PALLD: variants seen among roughly 807,000 people sequenced by gnomAD.
PALLD encodes the protein palladin.
In PALLD, 61 loss-of-function variants were observed where a neutral mutation model predicts 123.5. The observed-to-expected ratio is 0.49, with a 90% CI of 0.40 to 0.61. The LOEUF (loss-of-function observed/expected upper bound fraction) is 0.61. Among genes scored for constraint, PALLD ranks in the 20% least tolerant of loss-of-function variants. The pLI is 0.00. For synonymous variants in PALLD, 465 were observed against 496.4 expected, an observed-to-expected ratio of 0.94 and a Z score of 0.84; for missense variants, 1,273 against 1,377.0, an observed-to-expected ratio of 0.92 and a Z score of 1.20.
At chr4:168,698,512 G>A (rs572185907) in intron 8 of PALLD, among the ~76,000 whole-genome samples, 24 of 152,034 alleles carry the variant, frequency 1.6e-4, no homozygotes, top group Admixed American at 1.0e-3. Context: ...TACTTCCTAT[G>A]TAACCACAAT....
At position 168,512,430 on chromosome 4, in the gene PALLD, A is replaced by C. The variant is rs1398885216; in HGVS notation, c.908+18A>C. On this transcript the variant is annotated intron_variant, in intron 2 of 21. Transcript: ENST00000505667. ...CGAGTCAGGTATGAATTTTTGTATT[A>C]TGCATAGCAAATGATCTTGTTGACT... 2 of 1,599,084 alleles carry C rather than the reference A, an allele frequency of 1.3e-6. No homozygotes were observed. The highest frequency in any genetic ancestry group is 2.7e-5 in the African/African-American group (2 of 74,660).
chr4:168,629,975 A>G (rs1306558546), intron 2 of PALLD, among the ~76,000 whole-genome samples: 1 of 152,212 alleles, frequency 6.6e-6, no homozygotes, highest in Non-Finnish European at 1.5e-5. Context: ...TCAGACTTCT[A>G]AACATTCACA....
intron 21 of PALLD, among the ~76,000 whole-genome samples, chr4:168,925,653 T>A (rs888548185): frequency 2.1e-4 from 32 of 152,200 alleles, no homozygotes; most frequent in Non-Finnish European, 5.9e-5. Context: ...TACAGTCTAG[T>A]ACAATCAGCA....
chr4:168,898,480 T>C lies in PALLD; in HGVS notation c.2251-13T>C, dbSNP rs1259672146. ...GGGATTGAGTCTGCTAACTTAAACT[T>C]TCCTTGATTCAGGAATACAAAGTCT... On this transcript the variant is annotated splice_polypyrimidine_tract_variant and intron_variant, in intron 13 of 21. Transcript: ENST00000505667. 2 of 1,585,546 alleles carry C rather than the reference T, an allele frequency of 1.3e-6. No homozygotes were observed. Among genetic ancestry groups the C allele is most frequent in the African/African-American group, 2.7e-5 (2 of 74,334 alleles).
rs1352900768 is a variant in PALLD, at chr4:168,709,507, CAAGGAAGGAAGGAAGG to C, written c.1621+429_1621+444del. Among the ~76,000 whole-genome samples the C allele has an allele frequency of 5.8e-4, 53 of 91,528 alleles. 1 individual carries two copies. The highest frequency in any genetic ancestry group is 1.2e-3 in the East Asian group (4 of 3,232). 60.0% of individuals were successfully genotyped at this position (91,528 alleles called of 152,430 possible). A position where few individuals can be genotyped will look rare whatever the true frequency, so the allele number is the denominator to read the frequency against. ...CCTGGGTGACAGAGTCAGACTCCAT[CAAGGAAGGAAGGAAGG>C]AAGGAAGGAAGGAAGGAAGGAAGGA... On this transcript the variant is annotated intron_variant, in intron 9 of 21. Coordinates refer to ENST00000505667, the MANE Select transcript of PALLD (RefSeq NM_001166108.2).
intron 10 of PALLD, among the ~76,000 whole-genome samples, chr4:168,808,270 G>A (rs982916043): frequency 3.3e-5 from 5 of 151,788 alleles, no homozygotes; most frequent in Non-Finnish European, 7.4e-5. Flanking sequence ...CACAAGGTCA[G>A]GAGATCGAGA....
chr4:168,603,320 A>G lies in PALLD; in HGVS notation c.909-64870A>G, dbSNP rs866079413. On this transcript the variant is annotated intron_variant, in intron 2 of 21. Coordinates refer to ENST00000505667, the MANE Select transcript of PALLD (RefSeq NM_001166108.2). The stretch of plus-strand genomic sequence containing the variant: ...TTATTTTTCTGAGAAAACATACAGC[A>G]GTTTTTTGTTCATCTAAAAATCTTT... Among the ~76,000 whole-genome samples, 5 of 152,200 alleles carry G rather than the reference A, an allele frequency of 3.3e-5. No homozygotes were observed. In the South Asian group the frequency reaches 1.0e-3, roughly 32 times the overall value.
intron 10 of PALLD, among the ~76,000 whole-genome samples, chr4:168,813,407 A>G (rs1741450141): frequency 6.6e-6 from 1 of 152,188 alleles, no homozygotes; most frequent in African/African-American, 2.4e-5. Flanking sequence ...CAAGGCAGTT[A>G]CAGAACAACA....
intron 2 of PALLD, among the ~76,000 whole-genome samples, chr4:168,552,859 A>T (rs181483448): frequency 6.6e-6 from 1 of 152,094 alleles, no homozygotes; most frequent in African/African-American, 2.4e-5. Flanking sequence ...AATTTTTAAT[A>T]GAGACAGGGT....
intron 10 of PALLD, among the ~76,000 whole-genome samples, chr4:168,838,379 A>G (rs1312238552): frequency 1.3e-5 from 2 of 151,632 alleles, no homozygotes; most frequent in Non-Finnish European, 2.9e-5. Flanking sequence ...GGAAGGAGCA[A>G]TGGAAGCTCG....
chr4:168,556,398 T>G (rs1767312258), intron 2 of PALLD, among the ~76,000 whole-genome samples: 1 of 152,154 alleles, frequency 6.6e-6, no homozygotes, highest in African/African-American at 2.4e-5. Flanking sequence ...CCCGGCCATA[T>G]TAATACCTTT....
intron 2 of PALLD, among the ~76,000 whole-genome samples, chr4:168,660,711 A>G (rs1006015258): frequency 6.6e-6 from 1 of 152,182 alleles, no homozygotes; most frequent in Non-Finnish European, 1.5e-5. Context: ...TAATGTTACA[A>G]TCCTTTTTCC....
intron 2 of PALLD, among the ~76,000 whole-genome samples, chr4:168,626,766 T>C (rs973840072): frequency 6.6e-6 from 1 of 151,130 alleles, no homozygotes; most frequent in African/African-American, 2.4e-5. Flanking sequence ...TGGAATATTA[T>C]TCAGCCTTAA....
At chr4:168,559,194 C>T (rs75808128) in intron 2 of PALLD, among the ~76,000 whole-genome samples, 40 of 152,158 alleles carry the variant, frequency 2.6e-4, no homozygotes, top group African/African-American at 9.2e-4. Context: ...GTATTTCCCC[C>T]GATGTATCTG....
intron 2 of PALLD, among the ~76,000 whole-genome samples, chr4:168,601,517 T>A (rs1561293204): frequency 6.6e-6 from 1 of 152,096 alleles, no homozygotes; most frequent in Non-Finnish European, 1.5e-5. Context: ...GCCTTAGGAC[T>A]TTGGGCTTAC....
chr4:168,670,014 T>G (rs1381295822), intron 3 of PALLD, among the ~76,000 whole-genome samples: 1 of 152,076 alleles, frequency 6.6e-6, no homozygotes, highest in Non-Finnish European at 1.5e-5. Context: ...GAATGAAAAA[T>G]GAATGATAAA....
At chr4:168,503,526 A>G (rs745680462) in intron 1 of PALLD, among the ~76,000 whole-genome samples, 6 of 152,060 alleles carry the variant, frequency 3.9e-5, no homozygotes, top group Non-Finnish European at 8.8e-5. Flanking sequence ...GGGCGCCTGT[A>G]GTCCCAGCTA....
chr4:168,560,586 T>G (rs1767765351), intron 2 of PALLD, among the ~76,000 whole-genome samples: 1 of 152,180 alleles, frequency 6.6e-6, no homozygotes, highest in African/African-American at 2.4e-5. Flanking sequence ...CTAAAATGAT[T>G]TAAGTGATTC....
At chr4:168,631,737 G>T (rs1241083453) in intron 2 of PALLD, 2 of 985,396 alleles carry the variant, frequency 2.0e-6, no homozygotes, top group African/African-American at 3.5e-5. Context: ...GCAAGGGGCC[G>T]GCCTTTTGGC....
Sources: gnomAD v4.1 joint callset for allele counts (sites outside exome capture counted in the v4.1 genomes callset) on GRCh38, gnomAD v4.1.1 for gene constraint, MANE v1.5 for transcripts, NCBI Gene and HGNC (gene_info 2026-07-23, HGNC 2026-07-21) for gene names.